The following NOL4L variants were observed in gnomAD, a reference collection of about 807,000 sequenced individuals.
The protein encoded by NOL4L is nucleolar protein 4 like, also known as nucleolar protein 4-like.
Under a neutral mutation model 64.5 loss-of-function variants are expected in NOL4L, and 7 were observed. That is an observed-to-expected ratio of 0.11 (90% CI 0.06 to 0.20). The LOEUF is 0.20. Among genes scored for constraint, NOL4L ranks in the 10% least tolerant of loss-of-function variants. The pLI, the probability that NOL4L is intolerant of heterozygous loss-of-function variation, is 1.00. For missense variants in NOL4L, 680 were observed against 967.1 expected, an observed-to-expected ratio of 0.70 and a Z score of 3.94; for synonymous variants, 413 against 401.0, an observed-to-expected ratio of 1.03 and a Z score of -0.36.
intron 4 of NOL4L, among the ~76,000 whole-genome samples, chr20:32,509,517 CAAAAA>C (rs71338441): frequency 9.5e-5 from 6 of 62,844 alleles, no homozygotes; most frequent in African/African-American, 3.1e-4. Flanking sequence ...GACTCTGCCT[CAAAAA>C]AAAAAAAAAA....
Position 32,447,301 on chromosome 20 carries a change from A to G in NOL4L, c.*295T>C, listed in dbSNP as rs2012379645. On this transcript the variant is annotated 3_prime_UTR_variant, in exon 11 of 11. Coordinates refer to ENST00000621426, the MANE Select transcript of NOL4L (RefSeq NM_001256798.2). The stretch of plus-strand genomic sequence containing the variant: ...AGGGTCCACGAAGGTGATTCTAAAC[A>G]GAGCTGCAGCCCCAGCGCCTTGTCA... The G allele has an allele frequency of 1.7e-6, 1 of 597,360 alleles. No individual in the cohort carries two copies. The highest frequency in any genetic ancestry group is 2.6e-4 in the Middle Eastern group (1 of 3,908). 37.0% of individuals were successfully genotyped at this position (597,360 alleles called of 1,614,324 possible).
rs771327184 is a variant in NOL4L at position 32,494,283 on chromosome 20, C to CAAA, written c.699+17063_699+17064insTTT. On this transcript the variant is annotated intron_variant, in intron 4 of 10. Transcript: ENST00000621426. ...AAAAAAAAAAAAAAAAAAAAAAAAA[C>CAAA]ACACAACACACACACACACACAAAC... Among the ~76,000 whole-genome samples, 513 of 67,178 alleles carry CAAA rather than the reference C, an allele frequency of 7.6e-3. 47 individuals carry two copies. The highest frequency in any genetic ancestry group is 0.035 in the African/African-American group (497 of 14,054). 44.1% of individuals were successfully genotyped at this position (67,178 alleles called of 152,430 possible). A position where few individuals can be genotyped will look rare whatever the true frequency, so the allele number is the denominator to read the frequency against.
At chr20:32,509,834 T>C in intron 4 of NOL4L, 5 of 1,304,090 alleles carry the variant, frequency 3.8e-6, no homozygotes, top group Non-Finnish European at 4.0e-6. Context: ...ACCAGGGGGC[T>C]GTGCTTCCGG....
chr20:32,551,842 G>A (rs1028205583), intron 1 of NOL4L, among the ~76,000 whole-genome samples: 1 of 152,062 alleles, frequency 6.6e-6, no homozygotes, highest in Non-Finnish European at 1.5e-5. Flanking sequence ...AGGCTGGAAT[G>A]CAGTGGTGTA....
intron 4 of NOL4L, among the ~76,000 whole-genome samples, chr20:32,478,246 C>CACACACACACAT (rs1252506993): frequency 5.1e-5 from 6 of 118,370 alleles, no homozygotes; most frequent in African/African-American, 2.0e-4. Context: ...TATATTTACA[C>CACACACACACAT]ACACACACAC....
intron 1 of NOL4L, among the ~76,000 whole-genome samples, chr20:32,581,713 T>C (rs1479479101): frequency 2.0e-5 from 3 of 152,050 alleles, no homozygotes; most frequent in Admixed American, 2.0e-4. Context: ...GACAGCTGGG[T>C]GACCTGGGAG....
rs553898145 is a variant in NOL4L, at chr20:32,478,242, T to TACACACACACACAC, written c.700-3514_700-3501dup. ...AACTCATGGGTGATGAGGCTATATT[T>TACACACACACACAC]ACACACACACACACACACACACACA... is the stretch of plus-strand genomic sequence containing the variant. On this transcript the variant is annotated intron_variant, in intron 4 of 10. Coordinates refer to ENST00000621426, the MANE Select transcript of NOL4L (RefSeq NM_001256798.2). Among the ~76,000 whole-genome samples, 1,060 of 145,100 alleles carry TACACACACACACAC rather than the reference T, an allele frequency of 7.3e-3. 5 individuals carry two copies. The highest frequency in any genetic ancestry group is 0.019 in the African/African-American group (698 of 37,706).
intron 4 of NOL4L, among the ~76,000 whole-genome samples, chr20:32,500,069 C>T (rs1180375892): frequency 2.0e-5 from 3 of 151,454 alleles, no homozygotes; most frequent in Admixed American, 1.3e-4. Context: ...TCTCAGAATA[C>T]GTCAGCATAA....
intron 1 of NOL4L, chr20:32,573,617 C>A: frequency 4.8e-6 from 1 of 207,408 alleles, no homozygotes; most frequent in South Asian, 8.4e-5. Context: ...TAGCTATTGT[C>A]ATCCCATTTT....
chr20:32,564,814 A>G (rs1979322025), intron 1 of NOL4L, among the ~76,000 whole-genome samples: 1 of 152,252 alleles, frequency 6.6e-6, no homozygotes. Context: ...GGGCTGAAGC[A>G]GGTGCGGCTA....
At chr20:32,451,031 G>GC (rs1282698375) in intron 10 of NOL4L, among the ~76,000 whole-genome samples, 2 of 152,122 alleles carry the variant, frequency 1.3e-5, no homozygotes, top group Non-Finnish European at 2.9e-5. Flanking sequence ...TGGGCTTCCT[G>GC]CCATGGGTGG....
intron 5 of NOL4L, among the ~76,000 whole-genome samples, chr20:32,457,090 C>T (rs1338392130): frequency 2.0e-5 from 3 of 152,250 alleles, no homozygotes; most frequent in African/African-American, 4.8e-5. Flanking sequence ...GCCTGCCCGG[C>T]GTCTCAGGGT....
chr20:32,564,775 C>T lies in NOL4L; in HGVS notation c.321+19795G>A, dbSNP rs182359301. Among the ~76,000 whole-genome samples, 472 of 152,368 alleles carry T rather than the reference C, an allele frequency of 3.1e-3. 4 individuals are homozygous for T. The highest frequency in any genetic ancestry group is 0.011 in the African/African-American group (441 of 41,582). On this transcript the variant is annotated intron_variant, in intron 1 of 10. Transcript: ENST00000621426. ...AAGGTGGGCTCCCTGATTGCTCCTT[C>T]GAGGGGTCCAGCAGCCCAGTGCCTC...
chr20:32,563,698 A>T (rs1393364583), intron 1 of NOL4L, among the ~76,000 whole-genome samples: 2 of 152,142 alleles, frequency 1.3e-5, no homozygotes, highest in African/African-American at 4.8e-5. Context: ...ACATAATCCT[A>T]AACATGGAGA....
chr20:32,486,177 C>A (rs2145505886), intron 4 of NOL4L, among the ~76,000 whole-genome samples: 1 of 152,340 alleles, frequency 6.6e-6, no homozygotes, highest in Middle Eastern at 3.4e-3. Flanking sequence ...ATCCTTATTC[C>A]TACAGGAGCT....
In NOL4L at chr20:32,463,382, T is replaced by G. The variant is rs2014262977; in HGVS notation, c.842-6987A>C. ...GGGGCCCAGTGTGATGAAAGCAGGG[T>G]GGGCCTGCCCCCAGCCCATGGCTGC... On this transcript the variant is annotated intron_variant, in intron 5 of 10. Coordinates refer to ENST00000621426, the MANE Select transcript of NOL4L (RefSeq NM_001256798.2). The surrounding 1 kb of genome is among the most constrained non-coding windows in gnomAD (Gnocchi z 5.8). Among the ~76,000 whole-genome samples the G allele has an allele frequency of 6.6e-6, 1 of 152,126 alleles. No homozygotes were observed. The highest frequency in any genetic ancestry group is 1.5e-5 in the Non-Finnish European group (1 of 67,992).
In NOL4L at chr20:32,554,320, C is replaced by CAAAAA. The variant is rs58257913; in HGVS notation, c.322-26412_322-26408dup. Among the ~76,000 whole-genome samples the CAAAAA allele has an allele frequency of 3.4e-4, 22 of 64,040 alleles. 1 individual carries two copies. The highest frequency in any genetic ancestry group is 1.1e-3 in the African/African-American group (18 of 15,900). 42.0% of individuals were successfully genotyped at this position (64,040 alleles called of 152,430 possible). On this transcript the variant is annotated intron_variant, in intron 1 of 10. Coordinates refer to ENST00000621426, the MANE Select transcript of NOL4L (RefSeq NM_001256798.2). ...TGGGCGACAGAGTGAGACTCTGCCT[C>CAAAAA]AAAAAAAAAAAAAAAAAAAAAAGGA...
At chr20:32,551,354 C>T (rs760182084) in intron 1 of NOL4L, among the ~76,000 whole-genome samples, 7 of 150,790 alleles carry the variant, frequency 4.6e-5, no homozygotes, top group Non-Finnish European at 2.9e-5. Flanking sequence ...CCAGCCTGGA[C>T]GACAGCGTGA....
intron 1 of NOL4L, among the ~76,000 whole-genome samples, chr20:32,559,096 ACCT>A (rs2145610807): frequency 6.6e-6 from 1 of 152,274 alleles, no homozygotes; most frequent in South Asian, 2.1e-4. Flanking sequence ...ATTCCAGATC[ACCT>A]CCTCCAGGAA....
Sources: gnomAD v4.1 joint callset for allele counts (sites outside exome capture counted in the v4.1 genomes callset) on GRCh38, gnomAD v4.1.1 for gene constraint, Gnocchi (gnomAD v3.1) non-coding constraint, MANE v1.5 for transcripts, NCBI Gene and HGNC (gene_info 2026-07-23, HGNC 2026-07-21) for gene names.